EDIL3: variants seen among roughly 807,000 people sequenced by gnomAD.
The protein encoded by EDIL3 is EGF like and discoidin domains 3.
A neutral mutation model predicts 67.4 loss-of-function variants in EDIL3; 37 were observed. The ratio of observed to expected loss-of-function variants is 0.55; its 90% confidence interval spans 0.42 to 0.72. The LOEUF (loss-of-function observed/expected upper bound fraction) is 0.72, where lower values mean the gene tolerates loss of function less well. EDIL3 is among the 30% of genes least tolerant of loss of function. EDIL3 has a pLI of 0.00. For synonymous variants in EDIL3, 195 were observed against 196.3 expected, an observed-to-expected ratio of 0.99 and a Z score of 0.05; for missense variants, 527 against 586.3, an observed-to-expected ratio of 0.90 and a Z score of 1.04.
chr5:84,160,275 A>G (rs1361777521), intron 4 of EDIL3, among the ~76,000 whole-genome samples: 2 of 152,090 alleles, frequency 1.3e-5, no homozygotes, highest in Non-Finnish European at 2.9e-5. Flanking sequence ...TCCACTTCTC[A>G]GGGGATTATC....
intron 1 of EDIL3, among the ~76,000 whole-genome samples, chr5:84,377,984 TAGC>T (rs917584762): frequency 4.3e-4 from 65 of 152,196 alleles, no homozygotes; most frequent in African/African-American, 1.5e-3. Flanking sequence ...TAAAACAAAA[TAGC>T]AGCACATTTT....
chr5:84,029,815 A>T (rs11950968), intron 9 of EDIL3, among the ~76,000 whole-genome samples: 56,482 of 152,006 alleles, frequency 0.37, 11,774 homozygotes, highest in African/African-American at 0.58. Flanking sequence ...AGCATTGTAT[A>T]CAATTCTGGA....
At chr5:84,356,514 C>T (rs1747483905) in intron 1 of EDIL3, among the ~76,000 whole-genome samples, 1 of 152,204 alleles carries the variant, frequency 6.6e-6, no homozygotes. Context: ...CACTCTGACT[C>T]TTCTTCTTCC....
intron 1 of EDIL3, among the ~76,000 whole-genome samples, chr5:84,289,148 T>C (rs1561246557): frequency 6.6e-6 from 1 of 152,202 alleles, no homozygotes; most frequent in Non-Finnish European, 1.5e-5. Flanking sequence ...GCTGGGAATA[T>C]ATAAACAAAC....
chr5:83,964,641 C>T (rs1012454340), intron 9 of EDIL3, among the ~76,000 whole-genome samples: 1 of 151,938 alleles, frequency 6.6e-6, no homozygotes, highest in South Asian at 2.1e-4. Flanking sequence ...GAAACAGTTT[C>T]CAATGTGTCA....
intron 9 of EDIL3, among the ~76,000 whole-genome samples, chr5:84,034,512 T>C (rs113524029): frequency 5.9e-5 from 9 of 152,262 alleles, no homozygotes; most frequent in African/African-American, 1.7e-4. Context: ...CTCTACATAG[T>C]AGACACTGCA....
chr5:84,343,980 C>A (rs1005794800), intron 1 of EDIL3, among the ~76,000 whole-genome samples: 1 of 152,050 alleles, frequency 6.6e-6, no homozygotes, highest in Non-Finnish European at 1.5e-5. Context: ...TTTTTAATAT[C>A]TGGTGAAGGA....
intron 9 of EDIL3, among the ~76,000 whole-genome samples, chr5:84,020,934 AAAGT>A (rs1199929095): frequency 1.3e-5 from 2 of 152,096 alleles, no homozygotes; most frequent in African/African-American, 2.4e-5. Flanking sequence ...AAAAGAAGTA[AAAGT>A]AAGTCAGAGA....
rs769714998 is a variant in EDIL3, at chr5:84,254,238, T to C, written c.68-26A>G. The C allele has an allele frequency of 8.2e-6, 13 of 1,591,148 alleles. No homozygotes were observed. In the Admixed American group the frequency reaches 1.8e-4, roughly 22 times the overall value. ...CTAAGGCATAAAAAAAAACCGAAAT[T>C]GACATTTTTTTTTTGTCTTGGACAT... On this transcript the variant is annotated intron_variant, in intron 1 of 10. Transcript: ENST00000296591.
At chr5:84,095,457 G>T (rs1038082238) in intron 6 of EDIL3, among the ~76,000 whole-genome samples, 1 of 152,324 alleles carries the variant, frequency 6.6e-6, no homozygotes, top group African/African-American at 2.4e-5. Context: ...GGCTGAGGTG[G>T]TCTCAGATGG....
intron 1 of EDIL3, among the ~76,000 whole-genome samples, chr5:84,349,571 A>G (rs554899127): frequency 6.6e-6 from 1 of 152,278 alleles, no homozygotes; most frequent in South Asian, 2.1e-4. Context: ...ATTTCTTTAA[A>G]TATAAATTCC....
chr5:84,293,431 G>C (rs1580059487), intron 1 of EDIL3, among the ~76,000 whole-genome samples: 1 of 152,084 alleles, frequency 6.6e-6, no homozygotes, highest in African/African-American at 2.4e-5. Context: ...GCTGCCTTTG[G>C]AGTCTGTGCT....
In EDIL3 at chr5:84,353,870, A is replaced by G. The variant is rs115856738; in HGVS notation, c.67+30438T>C. ...TTTTGTATTTTTCAAAATTTACTAT[A>G]TCTGATCATTGGTTAGAAAAATCAA... On this transcript the variant is annotated intron_variant, in intron 1 of 10. Transcript: ENST00000296591. Among the ~76,000 whole-genome samples the G allele has an allele frequency of 4.3e-3, 648 of 152,322 alleles. 4 individuals are homozygous for G. Among genetic ancestry groups the G allele is most frequent in the African/African-American group, 0.015 (620 of 41,576 alleles).
intron 9 of EDIL3, among the ~76,000 whole-genome samples, chr5:84,015,584 A>G (rs1174555199): frequency 6.6e-6 from 1 of 152,216 alleles, no homozygotes; most frequent in African/African-American, 2.4e-5. Flanking sequence ...TATTATATTA[A>G]GAAAATCACT....
In EDIL3 at chr5:84,075,606, G is replaced by A. The variant is rs556081888; in HGVS notation, c.652-9000C>T. Among the ~76,000 whole-genome samples the A allele has an allele frequency of 7.9e-5, 12 of 152,182 alleles. No individual in the cohort carries two copies. The South Asian group carries it at 1.2e-3, about 16-fold the overall frequency. On this transcript the variant is annotated intron_variant, in intron 6 of 10. Coordinates refer to ENST00000296591, the MANE Select transcript of EDIL3 (RefSeq NM_005711.5). Reference sequence around the variant, plus strand: ...TTCTCCTGCCTTAGCCTCTCGAATAGCTGGGATTCCAGGCGTGTGCCACCA... The same window carrying A: ...TTCTCCTGCCTTAGCCTCTCGAATAACTGGGATTCCAGGCGTGTGCCACCA...
At chr5:84,293,564 G>C (rs966666017) in intron 1 of EDIL3, among the ~76,000 whole-genome samples, 2 of 152,012 alleles carry the variant, frequency 1.3e-5, no homozygotes, top group African/African-American at 4.8e-5. Flanking sequence ...CCATCCGCAT[G>C]TGTCCCAGTT....
At chr5:84,193,982 C>A (rs778398503) in intron 3 of EDIL3, among the ~76,000 whole-genome samples, 1 of 151,680 alleles carries the variant, frequency 6.6e-6, no homozygotes, top group African/African-American at 2.4e-5. Context: ...AAATAATATT[C>A]TAGTTGATCT....
At chr5:83,987,042 A>G (rs1745068238) in intron 9 of EDIL3, among the ~76,000 whole-genome samples, 1 of 152,174 alleles carries the variant, frequency 6.6e-6, no homozygotes, top group African/African-American at 2.4e-5. Context: ...TATTAAAAAT[A>G]AAGGTAATTA....
intron 9 of EDIL3, among the ~76,000 whole-genome samples, chr5:84,028,680 ATATG>A (rs1169814789): frequency 6.6e-6 from 1 of 152,130 alleles, no homozygotes; most frequent in African/African-American, 2.4e-5. Context: ...ACAAACACAT[ATATG>A]TATGTATATG....
Sources: allele counts gnomAD v4.1 joint callset (sites outside exome capture counted in the v4.1 genomes callset), GRCh38; gene constraint gnomAD v4.1.1; transcripts MANE v1.5; gene names NCBI Gene and HGNC (gene_info 2026-07-23, HGNC 2026-07-21).